FRMD5: variants seen among roughly 807,000 people sequenced by gnomAD.
FRMD5 encodes FERM domain-containing protein 5.
A neutral mutation model predicts 69.0 loss-of-function variants in FRMD5; 20 were observed. The ratio of observed to expected loss-of-function variants is 0.29; its 90% CI spans 0.20 to 0.42. FRMD5 has a LOEUF of 0.42. FRMD5 is among the 10% of genes least tolerant of loss of function. The pLI is 1.00. For missense variants in FRMD5, 595 were observed against 708.6 expected (o/e 0.84, Z 1.82); for synonymous variants, 271 against 260.1 (o/e 1.04, Z -0.40).
At chr15:43,917,545 C>T (rs566280625) in intron 4 of FRMD5, among the ~76,000 whole-genome samples, 9 of 152,094 alleles carry the variant, frequency 5.9e-5, no homozygotes, top group South Asian at 2.1e-4. Flanking sequence ...CGTGATGGCC[C>T]GGCTAATTTT....
chr15:44,007,092 C>T (rs1890485527), intron 1 of FRMD5, among the ~76,000 whole-genome samples: 1 of 152,206 alleles, frequency 6.6e-6, no homozygotes, highest in African/African-American at 2.4e-5. Context: ...CCTGACCAGT[C>T]AGCAGCTGTC....
intron 1 of FRMD5, among the ~76,000 whole-genome samples, chr15:44,033,477 T>C (rs1891775714): frequency 1.3e-5 from 2 of 152,316 alleles, no homozygotes; most frequent in South Asian, 4.1e-4. Flanking sequence ...AAATAATAGT[T>C]TTTGTTCAAG....
At chr15:44,004,466 T>C (rs921266335) in intron 1 of FRMD5, among the ~76,000 whole-genome samples, 4 of 152,240 alleles carry the variant, frequency 2.6e-5, no homozygotes, top group Non-Finnish European at 5.9e-5. Context: ...TGTCTCTGTG[T>C]CACACTTTGT....
chr15:43,953,341 T>TGG (rs2090066163), intron 1 of FRMD5, among the ~76,000 whole-genome samples: 2 of 152,226 alleles, frequency 1.3e-5, no homozygotes, highest in African/African-American at 4.8e-5. Flanking sequence ...TGGGATTTTC[T>TGG]CTGGTAGCAT....
At chr15:43,940,882 G>A (rs1355086773) in intron 1 of FRMD5, among the ~76,000 whole-genome samples, 1 of 152,128 alleles carries the variant, frequency 6.6e-6, no homozygotes, top group Non-Finnish European at 1.5e-5. Flanking sequence ...TTTGGTGAAT[G>A]GGTCATTAAT....
intron 1 of FRMD5, among the ~76,000 whole-genome samples, chr15:44,055,031 T>C (rs1216508235): frequency 6.0e-5 from 9 of 149,754 alleles, no homozygotes; most frequent in African/African-American, 1.7e-4. Flanking sequence ...GATCGCACCA[T>C]TGTACTCCAG....
intron 1 of FRMD5, among the ~76,000 whole-genome samples, chr15:44,037,928 C>T (rs1188706081): frequency 6.6e-6 from 1 of 151,974 alleles, no homozygotes; most frequent in African/African-American, 2.4e-5. Flanking sequence ...CCAACAAAAG[C>T]ATTCCTATTT....
At chr15:43,878,715 T>C (rs1208950620) in intron 13 of FRMD5, among the ~76,000 whole-genome samples, 1 of 152,160 alleles carries the variant, frequency 6.6e-6, no homozygotes, top group Non-Finnish European at 1.5e-5. Context: ...TGCCCCTTCA[T>C]GAAGACAGCT....
At chr15:43,980,550 A>T (rs1031175758) in intron 1 of FRMD5, among the ~76,000 whole-genome samples, 3 of 151,864 alleles carry the variant, frequency 2.0e-5, no homozygotes, top group Non-Finnish European at 4.4e-5. Context: ...CTCTTTCAAT[A>T]CTCCCTGGCT....
intron 1 of FRMD5, among the ~76,000 whole-genome samples, chr15:44,020,397 T>C (rs2140249312): frequency 6.6e-6 from 1 of 152,186 alleles, no homozygotes; most frequent in East Asian, 1.9e-4. Context: ...TCTTCATTTG[T>C]TCAACAGCTA....
intron 1 of FRMD5, among the ~76,000 whole-genome samples, chr15:44,039,831 G>A (rs987816808): frequency 1.6e-4 from 25 of 152,000 alleles, no homozygotes; most frequent in Non-Finnish European, 1.3e-4. Context: ...TGAGTTTGAC[G>A]AACTGACAGA....
chr15:44,061,502 C>T (rs1439361448), intron 1 of FRMD5, among the ~76,000 whole-genome samples: 8 of 152,190 alleles, frequency 5.3e-5, no homozygotes, highest in Admixed American at 5.2e-4. Flanking sequence ...GGCCCTTTGG[C>T]TGGACTATTA....
At chr15:44,121,852 G>A (rs756160310) in intron 1 of FRMD5, among the ~76,000 whole-genome samples, 16 of 151,544 alleles carry the variant, frequency 1.1e-4, no homozygotes, top group African/African-American at 2.7e-4. Context: ...AAAATTAGCC[G>A]GGCATGGTAG....
chr15:44,105,862 G>A (rs1314171542), intron 1 of FRMD5, among the ~76,000 whole-genome samples: 2 of 152,234 alleles, frequency 1.3e-5, no homozygotes, highest in East Asian at 1.9e-4. Context: ...CACTACAGTT[G>A]CCCCTTGGGG....
intron 1 of FRMD5, among the ~76,000 whole-genome samples, chr15:43,931,579 TGC>T (rs1000412703): frequency 3.3e-5 from 5 of 151,920 alleles, no homozygotes; most frequent in African/African-American, 1.2e-4. Context: ...ATTTTATTGC[TGC>T]TTTTTTCTTT....
chr15:44,092,927 CTTTTTTTTTTTT>C (rs3040924), intron 1 of FRMD5, among the ~76,000 whole-genome samples: 1 of 79,394 alleles, frequency 1.3e-5, no homozygotes, highest in African/African-American at 4.7e-5. Flanking sequence ...TATCCTCTGC[CTTTTTTTTTTTT>C]TTTTTTTTTT....
intron 1 of FRMD5, among the ~76,000 whole-genome samples, chr15:44,036,092 C>T (rs545534157): frequency 1.2e-4 from 18 of 152,264 alleles, no homozygotes; most frequent in African/African-American, 3.4e-4. Flanking sequence ...CAAATCCTAA[C>T]GCAGCATTGC....
intron 1 of FRMD5, among the ~76,000 whole-genome samples, chr15:44,045,466 A>T (rs1892385350): frequency 6.6e-6 from 1 of 152,196 alleles, no homozygotes; most frequent in African/African-American, 2.4e-5. Flanking sequence ...CAAAAGGCTG[A>T]TCAACCCACA....
intron 1 of FRMD5, among the ~76,000 whole-genome samples, chr15:44,166,028 A>T (rs2077703418): frequency 7.2e-5 from 11 of 152,186 alleles, no homozygotes; most frequent in Admixed American, 7.2e-4. Context: ...GGAGATTCCT[A>T]GGAGTTAACT....
Sources: gnomAD v4.1 joint callset for allele counts (sites outside exome capture counted in the v4.1 genomes callset) on GRCh38, gnomAD v4.1.1 for gene constraint, MANE v1.5 for transcripts, NCBI Gene and HGNC (gene_info 2026-07-23, HGNC 2026-07-21) for gene names.